METTL16: variants seen among roughly 807,000 people sequenced by gnomAD.
METTL16 encodes the protein methyltransferase 16, RNA N6-adenosine, also known as RNA N(6)-adenosine-methyltransferase METTL16.
A neutral mutation model predicts 57.9 loss-of-function variants in METTL16; 19 were observed. The observed-to-expected ratio is 0.33, with a 90% CI of 0.23 to 0.48. The LOEUF (loss-of-function observed/expected upper bound fraction) is 0.48. METTL16 is among the 20% of genes least tolerant of loss of function. The pLI is 0.99. For synonymous variants in METTL16, 246 were observed against 255.6 expected (o/e 0.96, Z 0.36); for missense variants, 434 against 691.5 (o/e 0.63, Z 4.18).
intron 8 of METTL16, among the ~76,000 whole-genome samples, chr17:2,425,713 G>T (rs1445345548): frequency 1.3e-5 from 2 of 151,794 alleles, no homozygotes; most frequent in African/African-American, 4.8e-5. Context: ...TTGAGACAGG[G>T]TCATGCTCTG....
At chr17:2,428,600 T>A (rs61668800) in intron 8 of METTL16, among the ~76,000 whole-genome samples, 6,179 of 29,314 alleles carry the variant, frequency 0.21, 873 homozygotes, top group East Asian at 0.33. Context: ...TATATATATA[T>A]ATAAATTGTA....
chr17:2,482,896 G>C (rs1454912248), intron 2 of METTL16, among the ~76,000 whole-genome samples: 1 of 152,040 alleles, frequency 6.6e-6, no homozygotes, highest in East Asian at 1.9e-4. Flanking sequence ...GGGTGACAGA[G>C]TGGGACCCTG....
chr17:2,423,683 T>A (rs2066786147), intron 8 of METTL16, among the ~76,000 whole-genome samples: 1 of 152,028 alleles, frequency 6.6e-6, no homozygotes, highest in African/African-American at 2.4e-5. Flanking sequence ...CCTACAAGCA[T>A]GGCTAAAAGG....
At chr17:2,489,741 A>AAAAAAAAAAAAAAAAAAAC (rs2067371644) in intron 2 of METTL16, among the ~76,000 whole-genome samples, 3 of 150,124 alleles carry the variant, frequency 2.0e-5, no homozygotes, top group Non-Finnish European at 4.4e-5. Flanking sequence ...TCAAAAAAAA[A>AAAAAAAAAAAAAAAAAAAC]AAAAAAAACG....
At chr17:2,485,553 C>T (rs1333026240) in intron 2 of METTL16, among the ~76,000 whole-genome samples, 3 of 152,126 alleles carry the variant, frequency 2.0e-5, no homozygotes, top group Admixed American at 1.3e-4. Context: ...TACTTGGCTA[C>T]TCTACTTTTA....
chr17:2,430,215 C>T (rs964577570), intron 8 of METTL16, among the ~76,000 whole-genome samples: 2 of 151,760 alleles, frequency 1.3e-5, no homozygotes, highest in Non-Finnish European at 1.5e-5. Context: ...TGGGGTCAAG[C>T]GATCTTCTCA....
At position 2,493,981 on chromosome 17, in the gene METTL16, C is replaced by T. The variant is rs552000216; in HGVS notation, c.128+8223G>A. Among the ~76,000 whole-genome samples the T allele has an allele frequency of 2.6e-5, 4 of 152,268 alleles. No individual in the cohort carries two copies. In the South Asian group the frequency reaches 8.3e-4, roughly 32 times the overall value. On this transcript the variant is annotated intron_variant, in intron 2 of 9. Transcript: ENST00000263092. ...CTGCCGTATCCTCTTCCCATCGCCT[C>T]ACAGACACATTTCTTCTTCCCTGTA...
chr17:2,507,139 G>A (rs867500773), intron 1 of METTL16, among the ~76,000 whole-genome samples: 9 of 149,122 alleles, frequency 6.0e-5, no homozygotes, highest in East Asian at 2.0e-4. Context: ...CTGCCCGGCC[G>A]CCCCTACTGC....
chr17:2,441,173 C>CA (rs2066948699), intron 7 of METTL16, among the ~76,000 whole-genome samples: 1 of 152,060 alleles, frequency 6.6e-6, no homozygotes. Flanking sequence ...AACTGGAGGC[C>CA]ATTATCTTAA....
chr17:2,480,966 G>A (rs1387891905), intron 2 of METTL16, among the ~76,000 whole-genome samples: 2 of 152,182 alleles, frequency 1.3e-5, no homozygotes, highest in Non-Finnish European at 2.9e-5. Flanking sequence ...ACTTTGGGAG[G>A]CCAAGGCAGA....
intron 1 of METTL16, among the ~76,000 whole-genome samples, chr17:2,506,070 C>A (rs998456264): frequency 4.6e-5 from 7 of 151,922 alleles, no homozygotes; most frequent in Non-Finnish European, 1.5e-5. Context: ...CGGGTTCAAG[C>A]GATTCTCCTG....
intron 1 of METTL16, 105 bp from the exon 2 acceptor site, chr17:2,502,436 C>T: frequency 9.7e-7 from 1 of 1,035,194 alleles, no homozygotes. Context: ...TTTGGGAGGC[C>T]AAGGTAAGTA....
At chr17:2,426,025 T>C (rs1171833196) in intron 8 of METTL16, among the ~76,000 whole-genome samples, 2 of 108,098 alleles carry the variant, frequency 1.9e-5, no homozygotes, top group African/African-American at 7.6e-5. Flanking sequence ...TAATTATGGC[T>C]AAGGCAAAAA....
At chr17:2,487,663 G>A (rs2067353479) in intron 2 of METTL16, among the ~76,000 whole-genome samples, 2 of 152,288 alleles carry the variant, frequency 1.3e-5, no homozygotes, top group African/African-American at 4.8e-5. Context: ...CTTTTAAAGA[G>A]CTGCTTTGGT....
chr17:2,492,918 A>C (rs2067411487), intron 2 of METTL16, among the ~76,000 whole-genome samples: 1 of 145,200 alleles, frequency 6.9e-6, no homozygotes, highest in African/African-American at 2.6e-5. Context: ...AAAAAAAAAC[A>C]ACAAAAAAAA....
At chr17:2,500,895 T>C (rs1036886004) in intron 2 of METTL16, among the ~76,000 whole-genome samples, 1 of 152,008 alleles carries the variant, frequency 6.6e-6, no homozygotes, top group African/African-American at 2.4e-5. Context: ...GGCGGGCGGA[T>C]CACCTGAGGC....
chr17:2,433,763 T>TGCTC (rs1404879372), intron 8 of METTL16, among the ~76,000 whole-genome samples: 15 of 152,224 alleles, frequency 9.9e-5, no homozygotes. Flanking sequence ...CGCACGATGT[T>TGCTC]GCTCTTTAAC....
In METTL16 at chr17:2,420,578, G is replaced by C; in HGVS notation, c.1081C>G (p.Pro361Ala). The C allele has an allele frequency of 6.2e-7, 1 of 1,611,654 alleles. No individual in the cohort carries two copies. Among genetic ancestry groups the C allele is most frequent in the Non-Finnish European group, 8.5e-7 (1 of 1,179,784 alleles). Residue 361 changes from proline (P) to alanine (A), a missense_variant, in exon 10 of 10, where the codon CCC becomes GCC. By Grantham distance (27) the Pro-to-Ala change is conservative. Coordinates refer to ENST00000263092, the MANE Select transcript of METTL16 (RefSeq NM_024086.4). The surrounding 1 kb of genome is among the most constrained non-coding windows in gnomAD (Gnocchi z 5.4). ...TDLKVQHKRV[P>A]CGKEEVSLFL... ...AGGCTGACTTCCTCTTTTCCACAGG[G>C]AACTCGTTTATGCTGGACCTGTTTG...
Position 2,438,075 on chromosome 17 carries a change from G to A in METTL16, c.888+34C>T, listed in dbSNP as rs117265359. The A allele has an allele frequency of 6.8e-4, 988 of 1,445,490 alleles. 17 individuals carry two copies. The East Asian group carries it at 0.02, about 30-fold the overall frequency. 89.5% of individuals were successfully genotyped at this position (1,445,490 alleles called of 1,614,324 possible). A position where few individuals can be genotyped will look rare whatever the true frequency, so the allele number is the denominator to read the frequency against. On this transcript the variant is annotated intron_variant, in intron 8 of 9. Transcript: ENST00000263092. ...ATGGACTGAAACCCACCATGTGCTGGCAGGTGGTGAAGCGGAGCAAGGTCT... is the reference window on the plus strand; with the variant it reads ...ATGGACTGAAACCCACCATGTGCTGACAGGTGGTGAAGCGGAGCAAGGTCT...
Sources: gnomAD v4.1 joint callset for allele counts (sites outside exome capture counted in the v4.1 genomes callset) on GRCh38, gnomAD v4.1.1 for gene constraint, Gnocchi (gnomAD v3.1) non-coding constraint, MANE v1.5 for transcripts, NCBI Gene and HGNC (gene_info 2026-07-23, HGNC 2026-07-21) for gene names.